The following CCNF variants were observed in gnomAD, a reference collection of about 807,000 sequenced individuals.
The protein encoded by CCNF is cyclin-F.
In CCNF, 30 loss-of-function variants were observed where a neutral mutation model predicts 85.4. The ratio of observed to expected loss-of-function variants is 0.35; its 90% CI spans 0.26 to 0.48. The LOEUF (loss-of-function observed/expected upper bound fraction) is 0.48. CCNF is among the 20% of genes least tolerant of loss of function. The probability of loss-of-function intolerance (pLI) is 0.99; values close to 1 mark genes in which losing one functional copy is unlikely to be tolerated. For missense variants in CCNF, 919 were observed against 1,010.4 expected, an observed-to-expected ratio of 0.91 and a Z score of 1.23; for synonymous variants, 439 against 425.1, an observed-to-expected ratio of 1.03 and a Z score of -0.40.
intron 10 of CCNF, among the ~76,000 whole-genome samples, chr16:2,448,085 C>A (rs1344066125): frequency 1.3e-5 from 2 of 152,236 alleles, no homozygotes; most frequent in African/African-American, 2.4e-5. Flanking sequence ...AACAGGGTGA[C>A]CATCGCCTAG....
chr16:2,451,377 G>A lies in CCNF; in HGVS notation c.1487+1462G>A, dbSNP rs936136536. ...GCCATGAGTGGAGTCATGGCAGTGA[G>A]GGGTGAGGGGGACAAGCACGGGGCT... On this transcript the variant is annotated intron_variant, in intron 13 of 16. Coordinates refer to ENST00000397066, the MANE Select transcript of CCNF (RefSeq NM_001761.3). This position sits in a 1 kb window ranked among gnomAD's most constrained non-coding sequence, Gnocchi z 4.3. 1.8e-4 allele frequency among the ~76,000 whole-genome samples: 27 copies of A among 152,148 alleles called. No individual in the cohort carries two copies. The highest frequency in any genetic ancestry group is 6.5e-4 in the African/African-American group (27 of 41,428).
chr16:2,445,741 T>TG, intron 10 of CCNF, 119 bp downstream of exon 10: 1 of 1,025,392 alleles, frequency 9.8e-7, no homozygotes, highest in Non-Finnish European at 1.4e-6. Context: ...TTTTTTTTTT[T>TG]TCCCGAGACC....
chr16:2,457,713 C>T lies in CCNF; in HGVS notation c.*693C>T, dbSNP rs2065437920. 1 of 152,226 alleles carries T rather than the reference C, an allele frequency of 6.6e-6. No individual in the cohort carries two copies. Among genetic ancestry groups the T allele is most frequent in the African/African-American group, 2.4e-5 (1 of 41,452 alleles). The allele number at this position is 152,226 out of a possible 1,614,324, so 9.4% of individuals were successfully genotyped here. A position where few individuals can be genotyped will look rare whatever the true frequency, so the allele number is the denominator to read the frequency against. ...CTCTCTTTGTGCTGAATTTCTGGGC[C>T]ATTCTTTTCCTGTCTTATTTCTAAA... On this transcript the variant is annotated 3_prime_UTR_variant, in exon 17 of 17. Transcript: ENST00000397066.
chr16:2,445,583 T>C lies in CCNF; in HGVS notation c.1055T>C (p.Leu352Pro), dbSNP rs760406917. The C allele has an allele frequency of 6.2e-7, 1 of 1,613,624 alleles. No individual in the cohort carries two copies. The change falls in exon 10 of 17, where the codon CTC becomes CCC. Residue 352 changes from leucine (L) to proline (P), a missense_variant. By Grantham distance (98) the Leu-to-Pro change is moderately conservative. Transcript: ENST00000397066. ...AGGAGGCTGGTGCCGCGGTACAGGC[T>C]CCAGCTGCTGGGCATCGCCTGCATG... is the stretch of plus-strand genomic sequence containing the variant. Reference protein sequence around the residue: ...LRRRLVPRYRLQLLGIACMVI... With the variant: ...LRRRLVPRYRPQLLGIACMVI...
chr16:2,449,489 C>A, intron 12 of CCNF, 27 bp downstream of exon 12: 1 of 1,585,254 alleles, frequency 6.3e-7, no homozygotes, highest in Non-Finnish European at 8.5e-7. Flanking sequence ...CCCAGGGATG[C>A]CTGTGTCGGG....
intron 10 of CCNF, among the ~76,000 whole-genome samples, chr16:2,446,542 A>G (rs1311430326): frequency 6.6e-6 from 1 of 152,218 alleles, no homozygotes; most frequent in Non-Finnish European, 1.5e-5. Flanking sequence ...TGATTCTCAC[A>G]ATACGATTTG....
At chr16:2,449,247 G>A (rs1331984446) in intron 11 of CCNF, 35 bp from the exon 12 acceptor site, 14 of 1,611,068 alleles carry the variant, frequency 8.7e-6, no homozygotes, top group Non-Finnish European at 1.1e-5. Context: ...GAGCCCCCGA[G>A]CGCTGAGAGC....
intron 3 of CCNF, among the ~76,000 whole-genome samples, chr16:2,433,677 C>G (rs1596914666): frequency 6.6e-6 from 1 of 152,232 alleles, no homozygotes; most frequent in East Asian, 1.9e-4. Flanking sequence ...ACCACCAACT[C>G]CTGGTTCAAG....
At position 2,439,837 on chromosome 16, in the gene CCNF, G is replaced by A. The variant is rs752644988; in HGVS notation, c.777+11G>A. ...TGCTGGGAAGCGCAGGTGAGGTGCG[G>A]GGCTGGGATGACGTGGGGAGCTGGC... is the stretch of plus-strand genomic sequence containing the variant. On this transcript the variant is annotated intron_variant, in intron 8 of 16. Transcript: ENST00000397066. The A allele has an allele frequency of 5.6e-6, 9 of 1,612,602 alleles. No individual in the cohort carries two copies. In the South Asian group the frequency reaches 9.9e-5, roughly 18 times the overall value.
intron 1 of CCNF, among the ~76,000 whole-genome samples, chr16:2,429,827 C>T (rs2065253939): frequency 6.6e-6 from 1 of 152,064 alleles, no homozygotes. Context: ...AGCCAAACAC[C>T]AGCGCCTCCT....
intron 3 of CCNF, 77 bp downstream of exon 3, chr16:2,433,144 T>A: frequency 1.1e-6 from 1 of 871,854 alleles, no homozygotes; most frequent in Non-Finnish European, 1.9e-6. Flanking sequence ...TCTCACGGCC[T>A]GATTCAGCAA....
At chr16:2,439,030 G>C (rs1229659565) in intron 6 of CCNF, among the ~76,000 whole-genome samples, 2 of 152,056 alleles carry the variant, frequency 1.3e-5, no homozygotes, top group Non-Finnish European at 1.5e-5. Context: ...AGGCACAGTG[G>C]CTCATGCCTG....
chr16:2,434,038 C>T (rs1453385300), intron 3 of CCNF, among the ~76,000 whole-genome samples: 6 of 152,176 alleles, frequency 3.9e-5, no homozygotes, highest in Admixed American at 6.5e-5. Context: ...CCGGGTGTGG[C>T]GTCACACCTG....
At chr16:2,429,989 C>CTG (rs1164178114) in intron 1 of CCNF, among the ~76,000 whole-genome samples, 2 of 152,228 alleles carry the variant, frequency 1.3e-5, no homozygotes, top group Non-Finnish European at 2.9e-5. Context: ...GAAACACGAA[C>CTG]TGTGGTTTCA....
chr16:2,433,502 G>A (rs2065272746), intron 3 of CCNF, among the ~76,000 whole-genome samples: 1 of 152,328 alleles, frequency 6.6e-6, no homozygotes, highest in African/African-American at 2.4e-5. Flanking sequence ...ATGGTCCCAG[G>A]TACCCGCCGC....
chr16:2,448,994 A>AT lies in CCNF; in HGVS notation c.1218+20dup. Reference sequence around the variant, plus strand: ...GAAGATTCGAGTAAGCAGCGGTTCCATTTTCCTTATTAATCTTCGTTGTCG... The same window carrying AT: ...GAAGATTCGAGTAAGCAGCGGTTCCATTTTTCCTTATTAATCTTCGTTGTCG... On this transcript the variant is annotated intron_variant, in intron 11 of 16. Transcript: ENST00000397066. The AT allele has an allele frequency of 7.2e-7, 1 of 1,392,206 alleles. No individual in the cohort carries two copies. The highest frequency in any genetic ancestry group is 1.0e-6 in the Non-Finnish European group (1 of 988,476). 86.2% of individuals were successfully genotyped at this position (1,392,206 alleles called of 1,614,324 possible).
chr16:2,433,512 C>T (rs1051808846), intron 3 of CCNF, among the ~76,000 whole-genome samples: 1 of 152,228 alleles, frequency 6.6e-6, no homozygotes, highest in East Asian at 1.9e-4. Context: ...GTACCCGCCG[C>T]CCTCAGAACA....
In CCNF at chr16:2,451,058, C is replaced by T. The variant is rs1294510185; in HGVS notation, c.1487+1143C>T. Among the ~76,000 whole-genome samples, 1 of 152,352 alleles carries T rather than the reference C, an allele frequency of 6.6e-6. No homozygotes were observed. The highest frequency in any genetic ancestry group is 1.9e-4 in the East Asian group (1 of 5,188). ...TTCTCTCTGGTGAGCCTGGCCCGGCCCTCGCCACATCTAAGCCCCTTCACT... is the reference window on the plus strand; with the variant it reads ...TTCTCTCTGGTGAGCCTGGCCCGGCTCTCGCCACATCTAAGCCCCTTCACT... On this transcript the variant is annotated intron_variant, in intron 13 of 16. Coordinates refer to ENST00000397066, the MANE Select transcript of CCNF (RefSeq NM_001761.3). The surrounding 1 kb of genome is among the most constrained non-coding windows in gnomAD (Gnocchi z 4.3).
At chr16:2,442,034 C>G (rs2065326073) in intron 8 of CCNF, among the ~76,000 whole-genome samples, 2 of 131,136 alleles carry the variant, frequency 1.5e-5, no homozygotes, top group South Asian at 2.4e-4. Context: ...TTGATGGAGT[C>G]TTGCTCTGTT....
Sources: allele counts gnomAD v4.1 joint callset (sites outside exome capture counted in the v4.1 genomes callset), GRCh38; gene constraint gnomAD v4.1.1; non-coding constraint Gnocchi (gnomAD v3.1); transcripts MANE v1.5; gene names NCBI Gene and HGNC (gene_info 2026-07-23, HGNC 2026-07-21).